The following GMCL1 variants were observed in gnomAD, a reference collection of about 807,000 sequenced individuals.
The protein encoded by GMCL1 is germ cell-less 1, spermatogenesis associated.
GMCL1 carries 54 observed loss-of-function variants against 75.5 expected under a neutral mutation model. The ratio of observed to expected loss-of-function variants is 0.71; its 90% confidence interval spans 0.57 to 0.90. The LOEUF (loss-of-function observed/expected upper bound fraction) is 0.90. GMCL1 is among the 40% of genes least tolerant of loss of function. GMCL1 has a pLI of 0.00. For synonymous variants in GMCL1, 210 were observed against 209.6 expected (o/e 1.00, Z -0.02); for missense variants, 537 against 622.7 (o/e 0.86, Z 1.47).
At chr2:69,864,060 A>C (rs1316736627) in intron 10 of GMCL1, among the ~76,000 whole-genome samples, 2 of 152,148 alleles carry the variant, frequency 1.3e-5, no homozygotes, top group African/African-American at 4.8e-5. Flanking sequence ...TGTGCTTAAC[A>C]TCACAAACCA....
intron 8 of GMCL1, among the ~76,000 whole-genome samples, chr2:69,850,715 A>G (rs1301957981): frequency 1.3e-5 from 2 of 152,234 alleles, no homozygotes; most frequent in Non-Finnish European, 2.9e-5. Context: ...CTCTGAAAAA[A>G]TAATCCTTGA....
At chr2:69,868,337 A>G (rs1453195296) in intron 11 of GMCL1, among the ~76,000 whole-genome samples, 1 of 152,172 alleles carries the variant, frequency 6.6e-6, no homozygotes, top group African/African-American at 2.4e-5. Context: ...AGTGCCTGGC[A>G]TATAATATGT....
intron 6 of GMCL1, among the ~76,000 whole-genome samples, chr2:69,845,377 C>G (rs1394531514): frequency 6.6e-6 from 1 of 152,170 alleles, no homozygotes; most frequent in Non-Finnish European, 1.5e-5. Context: ...GTTCTAAAAA[C>G]CTACAAGAAA....
chr2:69,831,517 C>T (rs1485953465), intron 1 of GMCL1, among the ~76,000 whole-genome samples: 3 of 152,116 alleles, frequency 2.0e-5, no homozygotes, highest in African/African-American at 7.2e-5. Flanking sequence ...CTAAGCCTCC[C>T]AAAGGGCTGA....
rs1675074600 is a variant in GMCL1 at position 69,844,414 on chromosome 2, C to T, written c.758+218C>T. On this transcript the variant is annotated intron_variant, in intron 6 of 13. Transcript: ENST00000282570. Reference sequence around the variant, plus strand: ...TGGATATTATGTCTACTGTTTTAACCGAAAAATGCATTACTGTTATAAGAC... The same window carrying T: ...TGGATATTATGTCTACTGTTTTAACTGAAAAATGCATTACTGTTATAAGAC... 10 of 323,394 alleles carry T rather than the reference C, an allele frequency of 3.1e-5. No individual in the cohort carries two copies. In the South Asian group the frequency reaches 5.0e-4, roughly 16 times the overall value. 20.0% of individuals were successfully genotyped at this position (323,394 alleles called of 1,614,324 possible).
chr2:69,841,774 A>G (rs1674994647), intron 4 of GMCL1, among the ~76,000 whole-genome samples: 1 of 152,222 alleles, frequency 6.6e-6, no homozygotes, highest in Non-Finnish European at 1.5e-5. Flanking sequence ...TTTCACACAG[A>G]GTCTTGAAAG....
At chr2:69,840,828 A>G (rs1674962228) in intron 3 of GMCL1, 114 bp from the exon 4 acceptor site, 4 of 590,394 alleles carry the variant, frequency 6.8e-6, no homozygotes, top group Non-Finnish European at 8.8e-6. Context: ...TTTTATGTGC[A>G]TGCCACATTT....
At chr2:69,847,394 T>C (rs1675185283) in intron 6 of GMCL1, 149 bp from the exon 7 acceptor site, 4 of 668,880 alleles carry the variant, frequency 6.0e-6, no homozygotes, top group East Asian at 5.1e-5. Flanking sequence ...TAGATTGTTT[T>C]CTAAGATTCT....
chr2:69,868,868 C>T (rs979366068), intron 11 of GMCL1, among the ~76,000 whole-genome samples: 9 of 150,874 alleles, frequency 6.0e-5, no homozygotes, highest in South Asian at 4.2e-4. Flanking sequence ...GTAATCCCAG[C>T]GCTTTGGGAG....
chr2:69,880,253 A>T lies in GMCL1; in HGVS notation c.*1249A>T, dbSNP rs1168939464. The T allele has an allele frequency of 6.6e-6, 1 of 152,200 alleles. No homozygotes were observed. The highest frequency in any genetic ancestry group is 1.5e-5 in the Non-Finnish European group (1 of 68,034). The allele number at this position is 152,200 out of a possible 1,614,324, so 9.4% of individuals were successfully genotyped here. Reference sequence around the variant, plus strand: ...GTGCAAATAATAAATGCCCATTTGGAAAAAGAGTAAGCTCTTACATAAAAT... The same window carrying T: ...GTGCAAATAATAAATGCCCATTTGGTAAAAGAGTAAGCTCTTACATAAAAT... On this transcript the variant is annotated 3_prime_UTR_variant, in exon 14 of 14. Coordinates refer to ENST00000282570, the MANE Select transcript of GMCL1 (RefSeq NM_178439.5).
Position 69,862,631 on chromosome 2 carries a change from T to C in GMCL1, c.1142+1284T>C, listed in dbSNP as rs181334831. Reference sequence around the variant, plus strand: ...AAAATTAGCTGGGTGTGGTAGCGCATGCCTGTAATCCCAGCTACTCAGGAG... The same window carrying C: ...AAAATTAGCTGGGTGTGGTAGCGCACGCCTGTAATCCCAGCTACTCAGGAG... On this transcript the variant is annotated intron_variant, in intron 10 of 13. Coordinates refer to ENST00000282570, the MANE Select transcript of GMCL1 (RefSeq NM_178439.5). Among the ~76,000 whole-genome samples the C allele has an allele frequency of 2.7e-3, 405 of 152,060 alleles. 9 individuals are homozygous for C. In the East Asian group the frequency reaches 0.065, roughly 25 times the overall value.
At chr2:69,850,532 A>G (rs1675288543) in intron 8 of GMCL1, among the ~76,000 whole-genome samples, 1 of 152,142 alleles carries the variant, frequency 6.6e-6, no homozygotes, top group Admixed American at 6.5e-5. Context: ...TGAGTACTAG[A>G]ACATCAGTAA....
rs1050537634 is a variant in GMCL1, at chr2:69,830,094, A to T, written c.202A>T (p.Thr68Ser). ...CTGCTACTGTCACCCTGACTCGGAGACGGACGAGGATGAGGAGGAGGGGGA... is the reference window on the plus strand; with the variant it reads ...CTGCTACTGTCACCCTGACTCGGAGTCGGACGAGGATGAGGAGGAGGGGGA... ...SFCYCHPDSE[T>S]DEDEEEGDEQ... The change falls in exon 1 of 14, where the codon ACG becomes TCG. Residue 68 changes from threonine (T) to serine (S), a missense_variant. By Grantham distance (58) the Thr-to-Ser change is moderately conservative. Transcript: ENST00000282570. The T allele has an allele frequency of 1.3e-6, 2 of 1,578,250 alleles. No individual in the cohort carries two copies. The highest frequency in any genetic ancestry group is 1.7e-6 in the Non-Finnish European group (2 of 1,161,628).
chr2:69,854,685 A>C (rs896656274), intron 8 of GMCL1, 138 bp from the exon 9 acceptor site: 12 of 656,000 alleles, frequency 1.8e-5, no homozygotes, highest in Non-Finnish European at 3.1e-5. Flanking sequence ...CCTAAGGTTT[A>C]TAAAATTCTT....
In GMCL1 at chr2:69,849,731, A is replaced by G; in HGVS notation, c.923A>G (p.Lys308Arg). ...ACAGAAACAGATGTCTGGTTTTCTA[A>G]ACAGAGGAAAGGTAGGCCTGAAGTT... ...LLTETDVWFS[K>R]QRKDFEGMAF... The change falls in exon 8 of 14, where the codon AAA (lysine) becomes AGA (arginine). Residue 308 changes from lysine to arginine, a missense_variant. Physicochemically the swap from Lys to Arg is conservative, Grantham distance 26. This residue lies in a region of GMCL1 where 345 missense variants were observed against 410.5 expected (regional missense o/e 0.84). Transcript: ENST00000282570. 6.3e-7 allele frequency: 1 copy of G among 1,584,396 alleles called. No individual in the cohort carries two copies. Among genetic ancestry groups the G allele is most frequent in the Non-Finnish European group, 8.6e-7 (1 of 1,167,410 alleles).
At chr2:69,851,644 C>G (rs571744680) in intron 8 of GMCL1, among the ~76,000 whole-genome samples, 1 of 151,906 alleles carries the variant, frequency 6.6e-6, no homozygotes, top group South Asian at 2.1e-4. Context: ...GTGGCATGTA[C>G]TTGTCTGTAT....
At chr2:69,841,603 A>G (rs1201806937) in intron 4 of GMCL1, among the ~76,000 whole-genome samples, 1 of 152,194 alleles carries the variant, frequency 6.6e-6, no homozygotes, top group Non-Finnish European at 1.5e-5. Context: ...CATAGTATGT[A>G]TGTGTGGAGA....
At chr2:69,839,371 A>T in intron 2 of GMCL1, 86 bp from the exon 3 acceptor site, 5 of 745,432 alleles carry the variant, frequency 6.7e-6, no homozygotes, top group Non-Finnish European at 1.1e-5. Flanking sequence ...TAATGGATAG[A>T]ATAGTTGCTT....
At chr2:69,853,253 G>GTTGTTTTTTTTTTTTTTTTT (rs1675370691) in intron 8 of GMCL1, among the ~76,000 whole-genome samples, 1 of 152,114 alleles carries the variant, frequency 6.6e-6, no homozygotes, top group African/African-American at 2.4e-5. Flanking sequence ...AACCAATGTT[G>GTTGTTTTTTTTTTTTTTTTT]TTATTTTTAA....
Sources: gnomAD v4.1 joint callset for allele counts (sites outside exome capture counted in the v4.1 genomes callset) on GRCh38, gnomAD v4.1.1 for gene constraint, gnomAD v4.1.1 regional missense constraint, MANE v1.5 for transcripts, NCBI Gene and HGNC (gene_info 2026-07-23, HGNC 2026-07-21) for gene names.